The following ATP8B4 variants were observed in gnomAD, a reference collection of about 807,000 sequenced individuals.
ATP8B4 encodes the protein probable phospholipid-transporting ATPase IM.
In ATP8B4, 133 loss-of-function variants were observed where a neutral mutation model predicts 145.6. That is an observed-to-expected ratio of 0.91 (90% confidence interval 0.79 to 1.05). ATP8B4 has a LOEUF of 1.05. Among genes scored for constraint, ATP8B4 ranks in the 50% least tolerant of loss-of-function variants. The pLI is 0.00. For missense variants in ATP8B4, 1,458 were observed against 1,425.2 expected (o/e 1.02, Z -0.37); for synonymous variants, 507 against 492.9 (o/e 1.03, Z -0.38).
intron 2 of ATP8B4, among the ~76,000 whole-genome samples, chr15:50,104,985 T>C (rs1345622214): frequency 1.3e-5 from 2 of 151,758 alleles, no homozygotes; most frequent in Non-Finnish European, 2.9e-5. Context: ...TTATTCTAAG[T>C]GAAGTAACTC....
intron 2 of ATP8B4, among the ~76,000 whole-genome samples, chr15:50,078,898 G>A (rs1030805123): frequency 2.2e-4 from 33 of 152,048 alleles, no homozygotes; most frequent in Admixed American, 1.7e-3. Context: ...ATTCTATACC[G>A]AGCCAAATAA....
chr15:49,964,671 G>A (rs1238973638), intron 13 of ATP8B4, among the ~76,000 whole-genome samples: 2 of 152,156 alleles, frequency 1.3e-5, no homozygotes, highest in African/African-American at 4.8e-5. Flanking sequence ...AAACCTTTAA[G>A]TTACTTTCCT....
chr15:50,051,679 A>G (rs1406054423), intron 3 of ATP8B4, among the ~76,000 whole-genome samples: 1 of 152,166 alleles, frequency 6.6e-6, no homozygotes, highest in Non-Finnish European at 1.5e-5. Flanking sequence ...ATACAGTTAA[A>G]TAAGGAGCTC....
chr15:49,927,858 T>G (rs763003790), intron 16 of ATP8B4, among the ~76,000 whole-genome samples: 24 of 152,144 alleles, frequency 1.6e-4, no homozygotes, highest in Admixed American at 6.5e-4. Flanking sequence ...ATGACTTCCC[T>G]GTTGTCAAAA....
chr15:49,932,073 AT>A (rs1340331539), intron 15 of ATP8B4, among the ~76,000 whole-genome samples: 2 of 151,732 alleles, frequency 1.3e-5, no homozygotes, highest in East Asian at 1.9e-4. Context: ...GTAAAAATTA[AT>A]TTGAAAATTA....
chr15:49,891,331 GT>G (rs1031662995), intron 23 of ATP8B4, among the ~76,000 whole-genome samples: 2 of 151,246 alleles, frequency 1.3e-5, no homozygotes, highest in African/African-American at 4.9e-5. Flanking sequence ...TTTGTTTGTT[GT>G]TTGTTTGCTT....
At chr15:50,157,553 C>T (rs1489537328) in intron 1 of ATP8B4, among the ~76,000 whole-genome samples, 5 of 152,108 alleles carry the variant, frequency 3.3e-5, no homozygotes, top group African/African-American at 7.2e-5. Flanking sequence ...CACCCATCAC[C>T]TCCAGGTTTG....
intron 6 of ATP8B4, among the ~76,000 whole-genome samples, chr15:50,027,984 A>G (rs1230969561): frequency 1.3e-5 from 2 of 152,204 alleles, no homozygotes; most frequent in Non-Finnish European, 2.9e-5. Flanking sequence ...CCATTAGAAA[A>G]TACCATCAAC....
At chr15:49,999,389 TG>T (rs2047701465) in intron 8 of ATP8B4, among the ~76,000 whole-genome samples, 1 of 57,048 alleles carries the variant, frequency 1.8e-5, no homozygotes, top group Non-Finnish European at 3.2e-5. Flanking sequence ...TGTTGTGGGG[TG>T]GGGGGAGGGC....
rs753463954 is a variant in ATP8B4 at position 49,860,224 on chromosome 15, G to A, written c.3549C>T (p.Ser1183=). Residue 1183 remains serine, a synonymous_variant, in exon 28 of 28, where the codon AGC becomes AGT. Coordinates refer to ENST00000284509, the MANE Select transcript of ATP8B4 (RefSeq NM_024837.4). ...GTTTCACTGTTTTATCCTGGCTAAA[G>A]CTGCTCACGGTGTCTGTGGTTTTCT... is the stretch of plus-strand genomic sequence containing the variant. ...LCKKTTDTVS[S]FSQDKTVKL The A allele has an allele frequency of 1.2e-6, 2 of 1,613,918 alleles. No homozygotes were observed. The highest frequency in any genetic ancestry group is 1.3e-5 in the African/African-American group (1 of 75,014).
chr15:50,103,705 C>G (rs1294750493), intron 2 of ATP8B4, among the ~76,000 whole-genome samples: 1 of 152,128 alleles, frequency 6.6e-6, no homozygotes, highest in Non-Finnish European at 1.5e-5. Flanking sequence ...ATACCAACAT[C>G]ATTTTTCACA....
chr15:50,129,746 G>A (rs2057332093), intron 1 of ATP8B4, among the ~76,000 whole-genome samples: 4 of 152,124 alleles, frequency 2.6e-5, no homozygotes, highest in Middle Eastern at 3.4e-3. Context: ...TCAAGAGATC[G>A]AGACCATCCT....
intron 1 of ATP8B4, among the ~76,000 whole-genome samples, chr15:50,118,781 C>T (rs1312849272): frequency 6.6e-6 from 1 of 151,986 alleles, no homozygotes; most frequent in Non-Finnish European, 1.5e-5. Flanking sequence ...AAAAATAAAA[C>T]CAACTACTAC....
At chr15:50,018,231 G>A (rs892005648) in intron 6 of ATP8B4, among the ~76,000 whole-genome samples, 1 of 152,052 alleles carries the variant, frequency 6.6e-6, no homozygotes, top group South Asian at 2.1e-4. Context: ...CAAGTGATCT[G>A]CCCGCCTCAG....
intron 1 of ATP8B4, among the ~76,000 whole-genome samples, chr15:50,153,011 A>G (rs551855104): frequency 1.1e-4 from 17 of 152,326 alleles, no homozygotes; most frequent in African/African-American, 4.1e-4. Context: ...TACACACAGA[A>G]AGAATGTGTC....
chr15:50,026,728 A>T (rs909570900), intron 6 of ATP8B4, among the ~76,000 whole-genome samples: 1 of 152,180 alleles, frequency 6.6e-6, no homozygotes, highest in African/African-American at 2.4e-5. Flanking sequence ...ACTGAACCTC[A>T]GCCTCCTGAC....
rs189061775 is a variant in ATP8B4 at position 50,167,955 on chromosome 15, A to G, written c.-43+14306T>C. On this transcript the variant is annotated intron_variant, in intron 1 of 3. Transcript: ENST00000558829. ...AAATCAGATCTAGAACTCAGCAGACATATTTGGGCTGAATATTTACAATTC... is the reference window on the plus strand; with the variant it reads ...AAATCAGATCTAGAACTCAGCAGACGTATTTGGGCTGAATATTTACAATTC... Among the ~76,000 whole-genome samples, 16 of 152,328 alleles carry G rather than the reference A, an allele frequency of 1.1e-4. No homozygotes were observed. In the East Asian group the frequency reaches 3.1e-3, roughly 29 times the overall value.
intron 3 of ATP8B4, among the ~76,000 whole-genome samples, chr15:50,071,004 G>A (rs537217857): frequency 1.3e-5 from 2 of 152,280 alleles, no homozygotes; most frequent in Admixed American, 6.5e-5. Context: ...GACTCCCAAA[G>A]TTCTGGGATT....
chr15:50,054,599 T>C (rs1339022885), intron 3 of ATP8B4, among the ~76,000 whole-genome samples: 1 of 151,758 alleles, frequency 6.6e-6, no homozygotes, highest in Admixed American at 6.6e-5. Context: ...CTGGCTAACA[T>C]GGTGAAACCC....
Sources: gnomAD v4.1 joint callset for allele counts (sites outside exome capture counted in the v4.1 genomes callset) on GRCh38, gnomAD v4.1.1 for gene constraint, MANE v1.5 for transcripts, NCBI Gene and HGNC (gene_info 2026-07-23, HGNC 2026-07-21) for gene names.